The following ZNF7 variants were observed in gnomAD, a reference collection of about 807,000 sequenced individuals.
ZNF7 encodes zinc finger protein 7.
Under a neutral mutation model 12.0 loss-of-function variants are expected in ZNF7, and 10 were observed. The ratio of observed to expected loss-of-function variants is 0.83; its 90% confidence interval spans 0.51 to 1.42. The LOEUF (loss-of-function observed/expected upper bound fraction) is 1.42. ZNF7 is among the 40% of genes most tolerant of loss of function. The pLI is 0.00. For missense variants in ZNF7, 854 were observed against 837.2 expected (o/e 1.02, Z -0.25); for synonymous variants, 334 against 295.0 (o/e 1.13, Z -1.35).
intron 1 of ZNF7, chr8:144,828,045 T>TTGGG (rs1323737661): frequency 6.6e-6 from 1 of 152,298 alleles, no homozygotes; most frequent in Non-Finnish European, 1.5e-5. Flanking sequence ...GAACGGTGCC[T>TTGGG]TGGGTGGGGT....
chr8:144,836,485 G>C (rs953622750), intron 3 of ZNF7: 2 of 152,246 alleles, frequency 1.3e-5, no homozygotes, highest in African/African-American at 2.4e-5. Flanking sequence ...TTCACACTGA[G>C]TTGCATTTGC....
At chr8:144,830,200 C>A (rs751209667) in intron 3 of ZNF7, among the ~76,000 whole-genome samples, 6 of 152,178 alleles carry the variant, frequency 3.9e-5, no homozygotes, top group Non-Finnish European at 8.8e-5. Flanking sequence ...ATCACACGCC[C>A]GAGAGAGTGC....
At chr8:144,840,565 A>C (rs1829756603) in intron 4 of ZNF7, among the ~76,000 whole-genome samples, 1 of 152,100 alleles carries the variant, frequency 6.6e-6, no homozygotes, top group Admixed American at 6.6e-5. Context: ...CATCAAGGAG[A>C]TGTCTGACCT....
chr8:144,829,431 G>C, intron 2 of ZNF7, 47 bp from the exon 3 acceptor site: 3 of 1,611,698 alleles, frequency 1.9e-6, no homozygotes, highest in African/African-American at 2.7e-5. Flanking sequence ...CGCCAGAAGG[G>C]GGCTGGCACC....
intron 3 of ZNF7, chr8:144,836,990 C>T (rs1224206315): frequency 6.3e-6 from 1 of 158,810 alleles, no homozygotes; most frequent in Admixed American, 6.4e-5. Context: ...TGTTTGTTAC[C>T]TTATTTTGTA....
intron 3 of ZNF7, among the ~76,000 whole-genome samples, chr8:144,831,240 A>C (rs1193813040): frequency 6.6e-6 from 1 of 152,052 alleles, no homozygotes; most frequent in Non-Finnish European, 1.5e-5. Context: ...TTCTTTTTCC[A>C]TGGCTTCTGT....
At chr8:144,829,384 C>T in intron 2 of ZNF7, 94 bp from the exon 3 acceptor site, 2 of 1,586,052 alleles carry the variant, frequency 1.3e-6, no homozygotes, top group South Asian at 2.3e-5. Flanking sequence ...CTCGCCCAAC[C>T]CCATGGGGCA....
chr8:144,837,573 A>ACTGTGGGTAG, intron 4 of ZNF7, 66 bp downstream of exon 4: 1 of 1,281,264 alleles, frequency 7.8e-7, no homozygotes, highest in Non-Finnish European at 1.1e-6. Context: ...GGGCCTCACA[A>ACTGTGGGTAG]CTGTGGGTAG....
intron 3 of ZNF7, 156 bp from the exon 4 acceptor site, chr8:144,837,235 G>C: frequency 5.2e-6 from 3 of 573,076 alleles, no homozygotes; most frequent in Non-Finnish European, 9.4e-6. Context: ...TGTGTCCCCA[G>C]ATTCTCCCCA....
intron 4 of ZNF7, 30 bp from the exon 5 acceptor site, chr8:144,841,325 A>G: frequency 3.8e-6 from 6 of 1,572,764 alleles, no homozygotes; most frequent in Non-Finnish European, 5.2e-6. Context: ...CACAGGGCCT[A>G]AGGAACGTCT....
Position 144,837,606 on chromosome 8 carries a change from A to T in ZNF7, c.247+99A>T, listed in dbSNP as rs553471978. ...TAGCTGTGGGTGAGTCGCGGGGGCT[A>T]CACTGGGATGCCTGGGAATGCTACT... On this transcript the variant is annotated intron_variant, in intron 4 of 4. Coordinates refer to ENST00000532777, the MANE Select transcript of ZNF7 (RefSeq NM_003416.4). 6 of 811,352 alleles carry T rather than the reference A, an allele frequency of 7.4e-6. No individual in the cohort carries two copies. In the African/African-American group the frequency reaches 8.5e-5, roughly 11 times the overall value. 50.3% of individuals were successfully genotyped at this position (811,352 alleles called of 1,614,324 possible). A position where few individuals can be genotyped will look rare whatever the true frequency, so the allele number is the denominator to read the frequency against.
Position 144,843,109 on chromosome 8 carries a change from G to A in ZNF7, c.2002G>A (p.Gly668Ser), listed in dbSNP as rs1403676577. 13 of 1,611,372 alleles carry A rather than the reference G, an allele frequency of 8.1e-6. No homozygotes were observed. Among genetic ancestry groups the A allele is most frequent in the South Asian group, 1.1e-5 (1 of 90,454 alleles). ...GEKPYKCNDC[G>S]KAFNRSSRLT... ...GAAGCCTTATAAATGCAATGACTGTGGCAAAGCTTTTAATCGTAGCTCAAG... is the reference window on the plus strand; with the variant it reads ...GAAGCCTTATAAATGCAATGACTGTAGCAAAGCTTTTAATCGTAGCTCAAG... Residue 668 changes from glycine to serine, a missense_variant, in exon 5 of 5, where the codon GGC becomes AGC. Physicochemically the swap from Gly to Ser is moderately conservative, Grantham distance 56 (BLOSUM62 0). Transcript: ENST00000532777.
At chr8:144,840,177 C>G (rs1384137512) in intron 4 of ZNF7, among the ~76,000 whole-genome samples, 1 of 152,226 alleles carries the variant, frequency 6.6e-6, no homozygotes, top group Non-Finnish European at 1.5e-5. Context: ...AGCAGGCATG[C>G]TGAGGTGGTG....
chr8:144,833,952 A>C (rs1295242302), intron 3 of ZNF7: 1 of 150,532 alleles, frequency 6.6e-6, no homozygotes, highest in African/African-American at 2.4e-5. Context: ...GCTAATTTTT[A>C]TATTTTAAGT....
chr8:144,831,077 C>T, intron 3 of ZNF7: 1 of 455,264 alleles, frequency 2.2e-6, no homozygotes, highest in Non-Finnish European at 4.4e-6. Flanking sequence ...GGTGCTTGAG[C>T]TTTCTTGCTT....
rs575706422 is a variant in ZNF7 at position 144,832,604 on chromosome 8, T to A, written c.130+3000T>A. On this transcript the variant is annotated intron_variant, in intron 3 of 4. Transcript: ENST00000532777. Reference sequence around the variant, plus strand: ...TTAGCCAGGCGTGGTGGCGGGTGGTTGTAATCTTGGCTTCTCAGGAGGCTG... The same window carrying A: ...TTAGCCAGGCGTGGTGGCGGGTGGTAGTAATCTTGGCTTCTCAGGAGGCTG... 3.9e-5 allele frequency among the ~76,000 whole-genome samples: 6 copies of A among 152,034 alleles called. No homozygotes were observed. In the East Asian group the frequency reaches 1.2e-3, roughly 30 times the overall value.
At chr8:144,847,471 T>C (rs1349484031), downstream of ZNF7, 1 of 152,112 alleles carries the variant, frequency 6.6e-6, no homozygotes, top group African/African-American at 2.4e-5. Flanking sequence ...ACATTTTGGG[T>C]TTCTGTTTTG....
At chr8:144,836,503 C>T (rs971947805) in intron 3 of ZNF7, 2 of 152,202 alleles carry the variant, frequency 1.3e-5, no homozygotes, top group Non-Finnish European at 2.9e-5. Context: ...TGCCTGGGCG[C>T]GTGTTCTGTG....
In ZNF7 at chr8:144,839,241, C is replaced by G. The variant is rs867731198; in HGVS notation, c.247+1734C>G. Among the ~76,000 whole-genome samples, 13 of 152,168 alleles carry G rather than the reference C, an allele frequency of 8.5e-5. No individual in the cohort carries two copies. The South Asian group carries it at 1.7e-3, about 19-fold the overall frequency. Reference sequence around the variant, plus strand: ...TGTGACCTTACTTCCATTCATATGCCCCTAGGCAGCTTCAAAGGACAAGGA... The same window carrying G: ...TGTGACCTTACTTCCATTCATATGCGCCTAGGCAGCTTCAAAGGACAAGGA... On this transcript the variant is annotated intron_variant, in intron 4 of 4. Coordinates refer to ENST00000532777, the MANE Select transcript of ZNF7 (RefSeq NM_003416.4).
Sources: allele counts gnomAD v4.1 joint callset (sites outside exome capture counted in the v4.1 genomes callset), GRCh38; gene constraint gnomAD v4.1.1; transcripts MANE v1.5; gene names NCBI Gene and HGNC (gene_info 2026-07-23, HGNC 2026-07-21).